The following GPR158 variants were observed in gnomAD, a reference collection of about 807,000 sequenced individuals.
GPR158 encodes G protein-coupled receptor 158.
A neutral mutation model predicts 78.2 loss-of-function variants in GPR158; 30 were observed. That is an observed-to-expected ratio of 0.38 (90% CI 0.29 to 0.52). GPR158 has a LOEUF of 0.52. Ranked by LOEUF, GPR158 falls within the 20% of genes least tolerant of loss-of-function variation. The pLI is 0.83. For synonymous variants in GPR158, 581 were observed against 591.1 expected (o/e 0.98, Z 0.25); for missense variants, 1,463 against 1,523.5 (o/e 0.96, Z 0.66).
rs1302799395 is a variant in GPR158, at chr10:25,495,149, CT to C, written c.1404+28445del. Among the ~76,000 whole-genome samples, 763 of 137,608 alleles carry C rather than the reference CT, an allele frequency of 5.5e-3. 5 individuals are homozygous for C. Among genetic ancestry groups the C allele is most frequent in the Non-Finnish European group, 5.1e-3 (323 of 62,918 alleles). 90.3% of individuals were successfully genotyped at this position (137,608 alleles called of 152,430 possible). On this transcript the variant is annotated intron_variant, in intron 5 of 10. Coordinates refer to ENST00000376351, the MANE Select transcript of GPR158 (RefSeq NM_020752.3). ...TTTAGAGATAGGTATAATCCACTAACTTTTTTTTTTTTTTTAGATATATAAG... is the reference window on the plus strand; with the variant it reads ...TTTAGAGATAGGTATAATCCACTAACTTTTTTTTTTTTTTAGATATATAAG...
At chr10:25,238,337 C>T (rs1009592355) in intron 2 of GPR158, among the ~76,000 whole-genome samples, 4 of 152,290 alleles carry the variant, frequency 2.6e-5, no homozygotes, top group South Asian at 4.1e-4. Flanking sequence ...ATCATTAGAC[C>T]GCATAATACC....
At chr10:25,478,904 T>C (rs1835625935) in intron 5 of GPR158, among the ~76,000 whole-genome samples, 1 of 151,574 alleles carries the variant, frequency 6.6e-6, no homozygotes, top group African/African-American at 2.4e-5. Context: ...TGTTTGGTTT[T>C]TTTGTCATTG....
intron 5 of GPR158, among the ~76,000 whole-genome samples, chr10:25,497,585 C>T (rs1341374701): frequency 6.6e-6 from 1 of 151,906 alleles, no homozygotes; most frequent in Non-Finnish European, 1.5e-5. Context: ...AGATAGGACT[C>T]TTCAGGAGAG....
chr10:25,367,706 C>A (rs2130543551), intron 2 of GPR158, among the ~76,000 whole-genome samples: 1 of 151,880 alleles, frequency 6.6e-6, no homozygotes, highest in Admixed American at 6.6e-5. Context: ...TTCAAAGTCA[C>A]ATATTTAGAT....
At chr10:25,331,350 G>A (rs1855119467) in intron 2 of GPR158, among the ~76,000 whole-genome samples, 1 of 152,182 alleles carries the variant, frequency 6.6e-6, no homozygotes, top group South Asian at 2.1e-4. Flanking sequence ...TTCCTTAGGG[G>A]ATAGTATACC....
chr10:25,450,803 A>C (rs1246185380), intron 4 of GPR158, among the ~76,000 whole-genome samples: 1 of 152,164 alleles, frequency 6.6e-6, no homozygotes, highest in Non-Finnish European at 1.5e-5. Context: ...AAAGACAAAT[A>C]TGAAGCAGAA....
intron 2 of GPR158, among the ~76,000 whole-genome samples, chr10:25,323,883 G>A (rs753458844): frequency 5.3e-5 from 8 of 152,118 alleles, no homozygotes; most frequent in Non-Finnish European, 8.8e-5. Flanking sequence ...GCTTCACCTT[G>A]CACTTTTATG....
At chr10:25,256,704 A>C (rs908411293) in intron 2 of GPR158, among the ~76,000 whole-genome samples, 3 of 152,154 alleles carry the variant, frequency 2.0e-5, no homozygotes, top group Non-Finnish European at 4.4e-5. Flanking sequence ...AAATAAAATA[A>C]AATAAAATAA....
intron 7 of GPR158, among the ~76,000 whole-genome samples, chr10:25,579,633 C>T (rs550926139): frequency 7.2e-5 from 11 of 152,144 alleles, no homozygotes; most frequent in African/African-American, 1.4e-4. Flanking sequence ...ACAACAAGAC[C>T]GCAAAAAAGT....
Position 25,469,978 on chromosome 10 carries a change from A to G in GPR158, c.1404+3259A>G, listed in dbSNP as rs540673115. On this transcript the variant is annotated intron_variant, in intron 5 of 10. Coordinates refer to ENST00000376351, the MANE Select transcript of GPR158 (RefSeq NM_020752.3). ...AATGTCAGCCAGTTTTAACATGAAA[A>G]TTAGACTGACTATGTCACTCCTCTT... Among the ~76,000 whole-genome samples, 3 of 152,060 alleles carry G rather than the reference A, an allele frequency of 2.0e-5. No individual in the cohort carries two copies. In the East Asian group the frequency reaches 5.8e-4, roughly 30 times the overall value.
chr10:25,283,113 T>C (rs1013016561), intron 2 of GPR158, among the ~76,000 whole-genome samples: 4 of 151,990 alleles, frequency 2.6e-5, no homozygotes, highest in African/African-American at 9.7e-5. Flanking sequence ...TTAGCAGAAT[T>C]CCAGAGTGAA....
Position 25,205,988 on chromosome 10 carries a change from CTTT to C in GPR158, c.903-15050_903-15048del, listed in dbSNP as rs34835235. On this transcript the variant is annotated intron_variant, in intron 1 of 10. Coordinates refer to ENST00000376351, the MANE Select transcript of GPR158 (RefSeq NM_020752.3). ...AGTTCACATCCAAATGTGGGTCCCT[CTTT>C]TTTTTTTTTTTTTGAGATGGAGTCT... Among the ~76,000 whole-genome samples the C allele has an allele frequency of 3.4e-3, 460 of 135,530 alleles. 2 individuals carry two copies. Among genetic ancestry groups the C allele is most frequent in the African/African-American group, 0.01 (376 of 36,688 alleles). 88.9% of individuals were successfully genotyped at this position (135,530 alleles called of 152,430 possible).
chr10:25,356,565 A>T (rs150891081), intron 2 of GPR158, among the ~76,000 whole-genome samples: 26 of 151,966 alleles, frequency 1.7e-4, no homozygotes, highest in African/African-American at 5.5e-4. Flanking sequence ...TTCATGTGAT[A>T]GTAAATGGGT....
intron 6 of GPR158, among the ~76,000 whole-genome samples, chr10:25,567,399 G>T (rs1836944609): frequency 6.6e-6 from 1 of 152,132 alleles, no homozygotes; most frequent in South Asian, 2.1e-4. Flanking sequence ...AAAATAGATT[G>T]TTGGACCATC....
At chr10:25,297,794 C>T (rs762785422) in intron 2 of GPR158, among the ~76,000 whole-genome samples, 2 of 152,172 alleles carry the variant, frequency 1.3e-5, no homozygotes, top group Non-Finnish European at 2.9e-5. Context: ...TAGCTGTGTA[C>T]TTGTGTTTTG....
intron 5 of GPR158, among the ~76,000 whole-genome samples, chr10:25,544,773 T>C (rs550218149): frequency 3.3e-5 from 5 of 152,316 alleles, no homozygotes; most frequent in African/African-American, 9.6e-5. Flanking sequence ...GTTTGTTACA[T>C]AGGTATACAC....
At chr10:25,392,326 C>T (rs940263440) in intron 2 of GPR158, among the ~76,000 whole-genome samples, 2 of 152,158 alleles carry the variant, frequency 1.3e-5, no homozygotes, top group Admixed American at 1.3e-4. Context: ...ACTCACACAC[C>T]CCCACTGCTC....
chr10:25,220,616 C>T (rs1288895746), intron 1 of GPR158, among the ~76,000 whole-genome samples: 1 of 152,146 alleles, frequency 6.6e-6, no homozygotes, highest in African/African-American at 2.4e-5. Context: ...ATACTGTCCT[C>T]CCTACTCAAT....
At chr10:25,318,912 A>G (rs1038428756) in intron 2 of GPR158, among the ~76,000 whole-genome samples, 1 of 152,190 alleles carries the variant, frequency 6.6e-6, no homozygotes, top group African/African-American at 2.4e-5. Context: ...TGCCTTTGAA[A>G]TGTTCTAAAA....
Sources: gnomAD v4.1 joint callset for allele counts (sites outside exome capture counted in the v4.1 genomes callset) on GRCh38, gnomAD v4.1.1 for gene constraint, MANE v1.5 for transcripts, NCBI Gene and HGNC (gene_info 2026-07-23, HGNC 2026-07-21) for gene names.